The following CNTNAP2 variants were observed in gnomAD, a reference collection of about 807,000 sequenced individuals.
CNTNAP2 encodes contactin associated protein 2, also known as contactin-associated protein-like 2.
CNTNAP2 carries 98 observed loss-of-function variants against 155.2 expected under a neutral mutation model. The ratio of observed to expected loss-of-function variants is 0.63; its 90% confidence interval spans 0.54 to 0.75. CNTNAP2 has a LOEUF of 0.75. CNTNAP2 is among the 30% of genes least tolerant of loss of function. CNTNAP2 has a pLI of 0.00. For synonymous variants in CNTNAP2, 651 were observed against 631.2 expected, an observed-to-expected ratio of 1.03 and a Z score of -0.47; for missense variants, 1,727 against 1,688.1, an observed-to-expected ratio of 1.02 and a Z score of -0.40.
rs79094729 is a variant in CNTNAP2, at chr7:147,092,888, G to A, written c.551-15259G>A. Among the ~76,000 whole-genome samples the A allele has an allele frequency of 1.7e-3, 254 of 152,216 alleles. 2 individuals are homozygous for A. The highest frequency in any genetic ancestry group is 2.9e-3 in the South Asian group (14 of 4,818). On this transcript the variant is annotated intron_variant, in intron 4 of 23. Coordinates refer to ENST00000361727, the MANE Select transcript of CNTNAP2 (RefSeq NM_014141.6). The stretch of plus-strand genomic sequence containing the variant: ...TGATTGGCCTTTGTATGTTCTACTT[G>A]TAAGTTGCATGTACTAAATGGCACG...
At chr7:146,266,261 A>T (rs1414386341) in intron 1 of CNTNAP2, among the ~76,000 whole-genome samples, 1 of 152,232 alleles carries the variant, frequency 6.6e-6, no homozygotes, top group Non-Finnish European at 1.5e-5. Flanking sequence ...TTCACTAGAC[A>T]GTGAAGTGTG....
At chr7:148,217,096 C>A (rs1795651684) in intron 18 of CNTNAP2, among the ~76,000 whole-genome samples, 192 bp from the exon 19 acceptor site, 1 of 149,980 alleles carries the variant, frequency 6.7e-6, no homozygotes, top group South Asian at 2.1e-4. Context: ...ATACATCATA[C>A]CCTGTTACAT....
intron 3 of CNTNAP2, among the ~76,000 whole-genome samples, chr7:146,974,624 AAT>A (rs1317592370): frequency 4.6e-5 from 7 of 152,204 alleles, no homozygotes; most frequent in Non-Finnish European, 8.8e-5. Flanking sequence ...ATCTTATTTA[AAT>A]AGAGTCTTCA....
intron 1 of CNTNAP2, among the ~76,000 whole-genome samples, chr7:146,483,005 G>A (rs1014228902): frequency 6.7e-6 from 1 of 149,954 alleles, no homozygotes; most frequent in Non-Finnish European, 1.5e-5. Context: ...GGCCGGGTGC[G>A]GTGGCTCACG....
At chr7:146,132,677 G>A (rs1479527256) in intron 1 of CNTNAP2, among the ~76,000 whole-genome samples, 3 of 150,970 alleles carry the variant, frequency 2.0e-5, no homozygotes, top group Non-Finnish European at 2.9e-5. Context: ...TTGGTTTTTT[G>A]TTCTTGCGAT....
intron 18 of CNTNAP2, chr7:148,189,815 G>C (rs963199445): frequency 6.6e-6 from 1 of 152,186 alleles, no homozygotes; most frequent in African/African-American, 2.4e-5. Context: ...CAGAAAGATA[G>C]ACTTAAAAAC....
intron 10 of CNTNAP2, among the ~76,000 whole-genome samples, chr7:147,416,099 C>G (rs1374421727): frequency 1.3e-5 from 2 of 152,216 alleles, no homozygotes; most frequent in Non-Finnish European, 2.9e-5. Flanking sequence ...ATGTTGCTTA[C>G]TTTCTCAGCA....
intron 9 of CNTNAP2, among the ~76,000 whole-genome samples, chr7:147,368,199 G>A (rs1296313950): frequency 6.6e-6 from 1 of 151,270 alleles, no homozygotes; most frequent in Non-Finnish European, 1.5e-5. Flanking sequence ...GATCTTATTA[G>A]TCAGGATTAG....
intron 12 of CNTNAP2, among the ~76,000 whole-genome samples, chr7:147,573,886 G>A (rs1456326530): frequency 1.3e-5 from 2 of 152,116 alleles, no homozygotes; most frequent in African/African-American, 4.8e-5. Flanking sequence ...TCCCCTGGTA[G>A]CTTCTTGATC....
At chr7:146,691,660 G>A (rs1800698591) in intron 1 of CNTNAP2, among the ~76,000 whole-genome samples, 2 of 152,154 alleles carry the variant, frequency 1.3e-5, no homozygotes, top group African/African-American at 2.4e-5. Flanking sequence ...AATGGCAGAG[G>A]ATTCTTTATG....
At chr7:148,267,482 C>T (rs1270242298) in intron 21 of CNTNAP2, among the ~76,000 whole-genome samples, 2 of 151,862 alleles carry the variant, frequency 1.3e-5, no homozygotes, top group African/African-American at 4.8e-5. Context: ...TGGCAAAACC[C>T]CGTCTCTACT....
intron 9 of CNTNAP2, among the ~76,000 whole-genome samples, chr7:147,351,975 A>G (rs1352749564): frequency 6.6e-6 from 1 of 151,968 alleles, no homozygotes; most frequent in Non-Finnish European, 1.5e-5. Flanking sequence ...TGTGTTCACT[A>G]AATTAAAATG....
chr7:146,827,305 C>T (rs1243533435), intron 2 of CNTNAP2, among the ~76,000 whole-genome samples: 1 of 151,936 alleles, frequency 6.6e-6, no homozygotes, highest in African/African-American at 2.4e-5. Flanking sequence ...TCAGGGTTTG[C>T]TACAAATTCC....
chr7:146,768,004 A>G (rs1174007255), intron 1 of CNTNAP2, among the ~76,000 whole-genome samples: 1 of 152,138 alleles, frequency 6.6e-6, no homozygotes, highest in Non-Finnish European at 1.5e-5. Context: ...TTGACCCTCA[A>G]CTATGTCTAA....
chr7:147,011,318 G>A (rs549524902), intron 3 of CNTNAP2, among the ~76,000 whole-genome samples: 76 of 150,238 alleles, frequency 5.1e-4, no homozygotes, highest in African/African-American at 1.7e-3. Flanking sequence ...GAAGGCTAAG[G>A]TAGGAGAATC....
intron 10 of CNTNAP2, among the ~76,000 whole-genome samples, chr7:147,452,643 A>C (rs1797852625): frequency 6.6e-6 from 1 of 152,202 alleles, no homozygotes; most frequent in Non-Finnish European, 1.5e-5. Flanking sequence ...GTACCTGCTA[A>C]TTGGATGTGT....
chr7:146,520,244 A>G (rs911187001), intron 1 of CNTNAP2, among the ~76,000 whole-genome samples: 1 of 149,438 alleles, frequency 6.7e-6, no homozygotes, highest in African/African-American at 2.4e-5. Context: ...TTGTCTTTTT[A>G]AATATTACAG....
intron 1 of CNTNAP2, among the ~76,000 whole-genome samples, chr7:146,567,790 G>C (rs1190429902): frequency 6.6e-6 from 1 of 151,926 alleles, no homozygotes; most frequent in Admixed American, 6.6e-5. Context: ...GCGCGATCTC[G>C]GCTCACTGCA....
At chr7:147,302,222 G>A (rs1360960113) in intron 9 of CNTNAP2, among the ~76,000 whole-genome samples, 1 of 152,162 alleles carries the variant, frequency 6.6e-6, no homozygotes, top group East Asian at 1.9e-4. Context: ...GTTGTCAGTG[G>A]GAAAGCTACT....
Sources: gnomAD v4.1 joint callset for allele counts (sites outside exome capture counted in the v4.1 genomes callset) on GRCh38, gnomAD v4.1.1 for gene constraint, MANE v1.5 for transcripts, NCBI Gene and HGNC (gene_info 2026-07-23, HGNC 2026-07-21) for gene names.